The following LRRC4C variants were observed in gnomAD, a reference collection of about 807,000 sequenced individuals.
LRRC4C encodes leucine-rich repeat-containing protein 4C.
A neutral mutation model predicts 33.6 loss-of-function variants in LRRC4C; 5 were observed. That is an observed-to-expected ratio of 0.15 (90% confidence interval 0.08 to 0.31). LRRC4C has a LOEUF of 0.31. Ranked by LOEUF, LRRC4C falls within the 10% of genes least tolerant of loss-of-function variation. The probability of loss-of-function intolerance (pLI) is 1.00; values close to 1 mark genes in which losing one functional copy is unlikely to be tolerated. For synonymous variants in LRRC4C, 329 were observed against 302.0 expected (o/e 1.09, Z -0.93); for missense variants, 560 against 796.7 (o/e 0.70, Z 3.58).
intron 1 of LRRC4C, among the ~76,000 whole-genome samples, chr11:41,329,887 C>T (rs191658509): frequency 2.4e-4 from 37 of 152,286 alleles, no homozygotes; most frequent in Admixed American, 2.6e-4. Context: ...TCTAGAAAAC[C>T]CACTGAACAC....
At chr11:40,236,753 G>T (rs1479598495) in intron 5 of LRRC4C, among the ~76,000 whole-genome samples, 2 of 152,108 alleles carry the variant, frequency 1.3e-5, no homozygotes, top group Non-Finnish European at 2.9e-5. Context: ...AGAGGGAGCT[G>T]CCCTGGAGAA....
chr11:40,234,233 G>A (rs1865401027), intron 5 of LRRC4C, among the ~76,000 whole-genome samples: 1 of 152,172 alleles, frequency 6.6e-6, no homozygotes, highest in South Asian at 2.1e-4. Flanking sequence ...AAGGCACAAT[G>A]CTAATCATTT....
chr11:40,639,174 A>C (rs1219638996), intron 3 of LRRC4C, among the ~76,000 whole-genome samples: 2 of 152,174 alleles, frequency 1.3e-5, no homozygotes, highest in Admixed American at 6.5e-5. Flanking sequence ...AAAAAAAAAA[A>C]AACTCTCTAG....
intron 3 of LRRC4C, among the ~76,000 whole-genome samples, chr11:40,341,293 T>C (rs1946853587): frequency 6.6e-6 from 1 of 152,232 alleles, no homozygotes; most frequent in South Asian, 2.1e-4. Flanking sequence ...ATGCTGTATA[T>C]GTGCCACATT....
At chr11:40,382,282 G>T (rs1033432275) in intron 3 of LRRC4C, among the ~76,000 whole-genome samples, 4 of 150,916 alleles carry the variant, frequency 2.7e-5, no homozygotes, top group Non-Finnish European at 5.9e-5. Flanking sequence ...GCGCCCAGCC[G>T]TGTTTTTACT....
At chr11:40,887,071 A>ACTT (rs1282867584) in intron 2 of LRRC4C, among the ~76,000 whole-genome samples, 1 of 151,522 alleles carries the variant, frequency 6.6e-6, no homozygotes, top group Non-Finnish European at 1.5e-5. Flanking sequence ...CCAAGTCTTT[A>ACTT]CTTAGAATAC....
intron 3 of LRRC4C, among the ~76,000 whole-genome samples, chr11:40,619,389 T>C (rs1262077527): frequency 6.6e-6 from 1 of 151,714 alleles, no homozygotes; most frequent in East Asian, 1.9e-4. Context: ...TGCATGCCTG[T>C]ACCAAAACAT....
intron 2 of LRRC4C, among the ~76,000 whole-genome samples, chr11:40,911,334 C>T (rs1477521755): frequency 6.6e-6 from 1 of 152,158 alleles, no homozygotes; most frequent in Non-Finnish European, 1.5e-5. Context: ...GCCGAGTACT[C>T]CTCTGAGACA....
intron 4 of LRRC4C, among the ~76,000 whole-genome samples, chr11:40,300,526 A>G (rs1015397427): frequency 1.3e-5 from 2 of 152,212 alleles, no homozygotes; most frequent in Admixed American, 1.3e-4. Context: ...AGATCCAAAG[A>G]GTCCAGCTTT....
chr11:40,562,867 T>A (rs1434327951), intron 3 of LRRC4C, among the ~76,000 whole-genome samples: 1 of 152,094 alleles, frequency 6.6e-6, no homozygotes, highest in Non-Finnish European at 1.5e-5. Flanking sequence ...GCTCCTCATG[T>A]CTGACTGAGG....
intron 1 of LRRC4C, among the ~76,000 whole-genome samples, chr11:41,333,488 C>G (rs1241264540): frequency 6.6e-6 from 1 of 152,124 alleles, no homozygotes; most frequent in African/African-American, 2.4e-5. Flanking sequence ...ACCAGACATT[C>G]ATTTATGTAA....
intron 4 of LRRC4C, among the ~76,000 whole-genome samples, chr11:40,286,698 T>A (rs551930846): frequency 6.6e-6 from 1 of 152,272 alleles, no homozygotes; most frequent in Admixed American, 6.5e-5. Context: ...GCCAAATACT[T>A]AAGACATTTT....
chr11:40,632,051 G>A (rs573812754), intron 3 of LRRC4C, among the ~76,000 whole-genome samples: 2 of 152,296 alleles, frequency 1.3e-5, no homozygotes, highest in African/African-American at 2.4e-5. Flanking sequence ...CTTGGCCAAG[G>A]TTATGTGGTT....
chr11:40,661,302 A>G (rs1943422405), intron 2 of LRRC4C, among the ~76,000 whole-genome samples: 1 of 152,032 alleles, frequency 6.6e-6, no homozygotes, highest in African/African-American at 2.4e-5. Context: ...GAGTTTAAAC[A>G]TACTTATATT....
At chr11:40,683,608 G>T (rs992226193) in intron 2 of LRRC4C, among the ~76,000 whole-genome samples, 12 of 152,178 alleles carry the variant, frequency 7.9e-5, no homozygotes, top group African/African-American at 2.9e-4. Flanking sequence ...TGAATCATAT[G>T]TACTGAAGCT....
chr11:40,467,046 T>C (rs1008383261), intron 3 of LRRC4C, among the ~76,000 whole-genome samples: 2 of 152,164 alleles, frequency 1.3e-5, no homozygotes, highest in African/African-American at 4.8e-5. Context: ...GCAGCCTCAG[T>C]GTCATTACTG....
intron 1 of LRRC4C, among the ~76,000 whole-genome samples, chr11:41,357,231 T>C (rs1290495805): frequency 6.6e-6 from 1 of 152,170 alleles, no homozygotes; most frequent in Non-Finnish European, 1.5e-5. Flanking sequence ...GAAATCTCTC[T>C]GACCTTAATG....
At chr11:40,819,908 C>T (rs1367749737) in intron 2 of LRRC4C, among the ~76,000 whole-genome samples, 1 of 151,842 alleles carries the variant, frequency 6.6e-6, no homozygotes, top group Non-Finnish European at 1.5e-5. Flanking sequence ...AATTTTAAAA[C>T]ATCTGAGCAG....
At chr11:41,244,171 C>CTCTATCTATCTATCTATCTA (rs373356899) in intron 1 of LRRC4C, among the ~76,000 whole-genome samples, 4,422 of 146,774 alleles carry the variant, frequency 0.03, 93 homozygotes, top group Non-Finnish European at 0.041. Context: ...AGAAAGTTTT[C>CTCTATCTATCTATCTATCTA]TCTATCTATC....
Sources: allele counts gnomAD v4.1 joint callset (sites outside exome capture counted in the v4.1 genomes callset), GRCh38; gene constraint gnomAD v4.1.1; transcripts MANE v1.5; gene names NCBI Gene and HGNC (gene_info 2026-07-23, HGNC 2026-07-21).